Variants in SGSM1 observed in about 807,000 individuals in gnomAD.
The protein encoded by SGSM1 is small G protein signaling modulator 1.
SGSM1 carries 73 observed loss-of-function variants against 133.8 expected under a neutral mutation model. The ratio of observed to expected loss-of-function variants is 0.55; its 90% CI spans 0.45 to 0.66. The LOEUF (loss-of-function observed/expected upper bound fraction) is 0.66, where lower values mean the gene tolerates loss of function less well. SGSM1 is among the 30% of genes least tolerant of loss of function. The pLI is 0.00. For synonymous variants in SGSM1, 563 were observed against 573.0 expected (o/e 0.98, Z 0.25); for missense variants, 1,213 against 1,448.1 (o/e 0.84, Z 2.64).
chr22:24,854,005 G>A (rs1930637029), intron 5 of SGSM1, among the ~76,000 whole-genome samples: 1 of 152,204 alleles, frequency 6.6e-6, no homozygotes, highest in East Asian at 1.9e-4. Context: ...TATCTCGTGA[G>A]ACTTAGTCAC....
At chr22:24,923,143 A>AG (rs992619470) in intron 24 of SGSM1, among the ~76,000 whole-genome samples, 30 of 142,242 alleles carry the variant, frequency 2.1e-4, no homozygotes, top group Non-Finnish European at 3.6e-4. Context: ...TTGTCTCAAA[A>AG]GAAAAAAAAA....
At chr22:24,884,020 G>A (rs1360228920) in intron 14 of SGSM1, 33 bp from the exon 15 acceptor site, 2 of 1,567,598 alleles carry the variant, frequency 1.3e-6, no homozygotes, top group Non-Finnish European at 8.7e-7. Context: ...TTCAGGTGGT[G>A]GATGATGACA....
At chr22:24,922,084 T>C (rs1159746792) in intron 24 of SGSM1, among the ~76,000 whole-genome samples, 1 of 152,154 alleles carries the variant, frequency 6.6e-6, no homozygotes, top group African/African-American at 2.4e-5. Context: ...TATGCACCCA[T>C]TGGGCTTTGC....
chr22:24,922,223 C>T (rs1934036914), intron 24 of SGSM1, among the ~76,000 whole-genome samples: 1 of 147,828 alleles, frequency 6.8e-6, no homozygotes, highest in Admixed American at 6.8e-5. Flanking sequence ...CGCTCTGTCA[C>T]CCAGGTTGGA....
chr22:24,811,297 G>A (rs184748621), intron 2 of SGSM1, among the ~76,000 whole-genome samples: 2 of 152,208 alleles, frequency 1.3e-5, no homozygotes, highest in East Asian at 1.9e-4. Context: ...TCTGCTCCCC[G>A]CTCACCCTAC....
Position 24,898,376 on chromosome 22 carries a change from G to A in SGSM1, c.2427G>A (p.Lys809=). 3 of 1,613,896 alleles carry A rather than the reference G, an allele frequency of 1.9e-6. No homozygotes were observed. Among genetic ancestry groups the A allele is most frequent in the South Asian group, 1.1e-5 (1 of 91,044 alleles). The change falls in exon 19 of 25, where the codon AAG becomes AAA. Residue 809 remains lysine, a synonymous_variant. Transcript: ENST00000400358. ...TGSLDMALPE[K]DDVVMEGWRS... ...GCCTGGACATGGCCCTGCCTGAAAA[G>A]GACGATGTTGTGATGGAGGGCTGGA...
intron 2 of SGSM1, among the ~76,000 whole-genome samples, chr22:24,831,692 C>T (rs1288502370): frequency 6.6e-6 from 1 of 152,190 alleles, no homozygotes; most frequent in Admixed American, 6.5e-5. Context: ...AACAAAAAGC[C>T]CTCTTGATAT....
intron 21 of SGSM1, among the ~76,000 whole-genome samples, chr22:24,906,288 C>T (rs959926106): frequency 1.3e-5 from 2 of 152,172 alleles, no homozygotes; most frequent in Admixed American, 6.5e-5. Flanking sequence ...ATGGAAACCT[C>T]ACAAATATCA....
intron 14 of SGSM1, among the ~76,000 whole-genome samples, chr22:24,882,951 G>A (rs1187667233): frequency 6.6e-6 from 1 of 150,972 alleles, no homozygotes; most frequent in African/African-American, 2.4e-5. Context: ...AGGCTGGAGT[G>A]CAGTGGCGCG....
At chr22:24,919,744 A>G in intron 23 of SGSM1, 82 bp from the exon 24 acceptor site, 1 of 1,548,228 alleles carries the variant, frequency 6.5e-7, no homozygotes, top group Admixed American at 1.7e-5. Context: ...GGATTTTCCC[A>G]CCTTGGGGGG....
chr22:24,875,641 GAA>G (rs61221092), intron 12 of SGSM1, among the ~76,000 whole-genome samples: 4 of 119,438 alleles, frequency 3.3e-5, no homozygotes, highest in Non-Finnish European at 3.6e-5. Flanking sequence ...CTCCATCTCA[GAA>G]AAAAAAAAAA....
intron 16 of SGSM1, among the ~76,000 whole-genome samples, chr22:24,889,599 G>A (rs1162922268): frequency 1.3e-5 from 2 of 151,514 alleles, no homozygotes; most frequent in African/African-American, 2.4e-5. Context: ...TAGTAGAGAC[G>A]AGGTTTCACC....
intron 21 of SGSM1, among the ~76,000 whole-genome samples, chr22:24,907,123 C>T (rs769826758): frequency 2.1e-5 from 3 of 143,158 alleles, no homozygotes; most frequent in African/African-American, 2.6e-5. Context: ...AGCCCAGCAT[C>T]GTGGCGGGTG....
At chr22:24,913,580 T>C (rs779277251) in intron 22 of SGSM1, among the ~76,000 whole-genome samples, 5 of 152,254 alleles carry the variant, frequency 3.3e-5, no homozygotes, top group Non-Finnish European at 7.3e-5. Context: ...CTTTATTATC[T>C]ACACACTAGC....
At chr22:24,884,282 T>C in intron 15 of SGSM1, 84 bp downstream of exon 15, 1 of 1,488,676 alleles carries the variant, frequency 6.7e-7, no homozygotes, top group Non-Finnish European at 9.0e-7. Context: ...GCCCACATGC[T>C]TGTGGGGACT....
chr22:24,852,292 T>G (rs1227484229), intron 5 of SGSM1, among the ~76,000 whole-genome samples: 5 of 152,210 alleles, frequency 3.3e-5, no homozygotes, highest in African/African-American at 1.2e-4. Context: ...TATACAGTTC[T>G]ATGAAACTTT....
intron 24 of SGSM1, among the ~76,000 whole-genome samples, chr22:24,923,435 T>TTG (rs1367894508): frequency 1.3e-5 from 2 of 152,136 alleles, no homozygotes. Flanking sequence ...TCTGACCACA[T>TTG]TGTGTGGCTC....
At chr22:24,920,723 A>G (rs376544871) in intron 24 of SGSM1, among the ~76,000 whole-genome samples, 1 of 152,240 alleles carries the variant, frequency 6.6e-6, no homozygotes, top group African/African-American at 2.4e-5. Context: ...TTGAAACATT[A>G]TTAGGGTTCT....
chr22:24,863,502 A>C (rs1169402419), intron 9 of SGSM1, among the ~76,000 whole-genome samples: 1 of 152,022 alleles, frequency 6.6e-6, no homozygotes, highest in African/African-American at 2.4e-5. Context: ...AGAACTTCTA[A>C]GGTCACTGCC....
Sources: allele counts gnomAD v4.1 joint callset (sites outside exome capture counted in the v4.1 genomes callset), GRCh38; gene constraint gnomAD v4.1.1; transcripts MANE v1.5; gene names NCBI Gene and HGNC (gene_info 2026-07-23, HGNC 2026-07-21).